Variants in PID1 observed in about 807,000 individuals in gnomAD.
PID1 encodes PTB-containing, cubilin and LRP1-interacting protein.
PID1 carries 10 observed loss-of-function variants against 19.1 expected under a neutral mutation model. The ratio of observed to expected loss-of-function variants is 0.52; its 90% CI spans 0.32 to 0.89. PID1 has a LOEUF of 0.89. Ranked by LOEUF, PID1 falls within the 40% of genes least tolerant of loss-of-function variation. PID1 has a pLI of 0.03. For synonymous variants in PID1, 130 were observed against 116.0 expected, an observed-to-expected ratio of 1.12 and a Z score of -0.78; for missense variants, 248 against 285.3, an observed-to-expected ratio of 0.87 and a Z score of 0.94.
At chr2:229,101,656 C>T (rs1455056211) in intron 2 of PID1, among the ~76,000 whole-genome samples, 1 of 152,134 alleles carries the variant, frequency 6.6e-6, no homozygotes, top group Non-Finnish European at 1.5e-5. Context: ...TGCAGAGAAG[C>T]TAAAGAGTTT....
At chr2:229,034,372 G>T (rs1693617080) in intron 2 of PID1, among the ~76,000 whole-genome samples, 1 of 152,166 alleles carries the variant, frequency 6.6e-6, no homozygotes, top group Non-Finnish European at 1.5e-5. Flanking sequence ...ATTCCATAAG[G>T]TATGTACTAG....
intron 2 of PID1, among the ~76,000 whole-genome samples, chr2:229,066,683 G>C (rs567524823): frequency 7.9e-5 from 12 of 151,706 alleles, no homozygotes; most frequent in East Asian, 3.9e-4. Flanking sequence ...TATTTGAAAG[G>C]AGCAAGTTTC....
At chr2:229,094,274 T>G (rs1185834510) in intron 2 of PID1, among the ~76,000 whole-genome samples, 2 of 151,954 alleles carry the variant, frequency 1.3e-5, no homozygotes, top group South Asian at 2.1e-4. Flanking sequence ...AAAACACTAT[T>G]GAAAGAAATC....
intron 1 of PID1, among the ~76,000 whole-genome samples, chr2:229,264,162 T>C (rs1446514021): frequency 6.6e-6 from 1 of 152,184 alleles, no homozygotes; most frequent in Non-Finnish European, 1.5e-5. Context: ...TATAACCTTC[T>C]AGCTGTGGAT....
At chr2:229,210,525 C>CAA (rs1170895327) in intron 1 of PID1, among the ~76,000 whole-genome samples, 666 of 15,498 alleles carry the variant, frequency 0.043, 109 homozygotes, top group African/African-American at 0.096. Context: ...AGTTTTGTCT[C>CAA]AAAAAAAAAA....
At chr2:229,106,631 C>T (rs1387598682) in intron 2 of PID1, among the ~76,000 whole-genome samples, 1 of 152,168 alleles carries the variant, frequency 6.6e-6, no homozygotes, top group Non-Finnish European at 1.5e-5. Context: ...TAGAAGGCGC[C>T]ATCTATGAAG....
intron 1 of PID1, among the ~76,000 whole-genome samples, chr2:229,224,948 A>C (rs1361132771): frequency 6.6e-6 from 1 of 152,192 alleles, no homozygotes; most frequent in Non-Finnish European, 1.5e-5. Flanking sequence ...AACAATACCT[A>C]ACCTTTTTAA....
intron 2 of PID1, among the ~76,000 whole-genome samples, chr2:229,026,688 T>G (rs950648096): frequency 6.6e-6 from 1 of 152,234 alleles, no homozygotes; most frequent in Non-Finnish European, 1.5e-5. Flanking sequence ...AGATAATTTT[T>G]AAAAATAACA....
intron 2 of PID1, among the ~76,000 whole-genome samples, chr2:229,057,292 C>G (rs959059197): frequency 6.6e-6 from 1 of 151,840 alleles, no homozygotes; most frequent in Non-Finnish European, 1.5e-5. Flanking sequence ...CAAAAATTAG[C>G]TGGGCACGAT....
intron 2 of PID1, among the ~76,000 whole-genome samples, chr2:229,154,959 G>A (rs1161416563): frequency 6.6e-6 from 1 of 152,110 alleles, no homozygotes; most frequent in East Asian, 1.9e-4. Flanking sequence ...TTCTAGTTTT[G>A]TTTCCACGTT....
chr2:229,069,143 T>TTTTGTGTG (rs369977117), intron 2 of PID1, among the ~76,000 whole-genome samples: 18 of 140,708 alleles, frequency 1.3e-4, no homozygotes, highest in East Asian at 4.2e-4. Context: ...AGAAGGGTTT[T>TTTTGTGTG]TGTGTGTGTG....
At chr2:229,211,312 CT>C (rs903336309) in intron 1 of PID1, among the ~76,000 whole-genome samples, 1 of 151,916 alleles carries the variant, frequency 6.6e-6, no homozygotes, top group Admixed American at 6.6e-5. Flanking sequence ...GCCTATATCC[CT>C]TCTGTCCTTC....
chr2:229,227,922 C>A (rs1171294540), intron 1 of PID1: 1 of 454,724 alleles, frequency 2.2e-6, no homozygotes, highest in African/African-American at 2.0e-5. Context: ...GGAGGGTGTG[C>A]ATCAGTTGTA....
intron 2 of PID1, among the ~76,000 whole-genome samples, chr2:229,138,640 C>G (rs1325086330): frequency 6.6e-6 from 1 of 152,050 alleles, no homozygotes; most frequent in Non-Finnish European, 1.5e-5. Context: ...TTCATTCCCT[C>G]ACTTCTTCAT....
chr2:229,185,007 C>G (rs1179877247), intron 1 of PID1, among the ~76,000 whole-genome samples: 1 of 140,518 alleles, frequency 7.1e-6, no homozygotes, highest in East Asian at 2.0e-4. Context: ...TATATATACA[C>G]TATATATACT....
chr2:229,238,543 C>A (rs1005388719), intron 1 of PID1, among the ~76,000 whole-genome samples: 2 of 152,144 alleles, frequency 1.3e-5, no homozygotes, highest in South Asian at 4.1e-4. Context: ...GTTTGCCTTA[C>A]GAATAAAGTA....
intron 2 of PID1, among the ~76,000 whole-genome samples, chr2:229,054,721 G>GTGTGT (rs1266888214): frequency 5.5e-4 from 16 of 29,170 alleles, no homozygotes; most frequent in Admixed American, 1.2e-3. Context: ...TGTGTGTGTG[G>GTGTGT]GGGGGGGGGG....
In PID1 at chr2:229,092,767, C is replaced by T. The variant is rs191846314; in HGVS notation, c.177+63051G>A. On this transcript the variant is annotated intron_variant, in intron 2 of 2. Transcript: ENST00000392055. The stretch of plus-strand genomic sequence containing the variant: ...AGACTCATGCTTAAATGCATCCTCT[C>T]GAAAAATAAAAACTTAATACACTGC... Among the ~76,000 whole-genome samples, 279 of 152,266 alleles carry T rather than the reference C, an allele frequency of 1.8e-3. 3 individuals carry two copies. Among genetic ancestry groups the T allele is most frequent in the African/African-American group, 6.3e-3 (262 of 41,560 alleles).
intron 1 of PID1, among the ~76,000 whole-genome samples, chr2:229,168,723 T>C (rs1297353801): frequency 7.6e-6 from 1 of 130,966 alleles, no homozygotes; most frequent in African/African-American, 2.6e-5. Context: ...TTTTTTTCCT[T>C]GTTTCTGTGT....
Sources: gnomAD v4.1 joint callset for allele counts (sites outside exome capture counted in the v4.1 genomes callset) on GRCh38, gnomAD v4.1.1 for gene constraint, MANE v1.5 for transcripts, NCBI Gene and HGNC (gene_info 2026-07-23, HGNC 2026-07-21) for gene names.